The following RIPOR2 variants were observed in gnomAD, a reference collection of about 807,000 sequenced individuals.
The protein encoded by RIPOR2 is rho family-interacting cell polarization regulator 2.
In RIPOR2, 39 loss-of-function variants were observed where a neutral mutation model predicts 114.5. The observed-to-expected ratio is 0.34, with a 90% CI of 0.26 to 0.44. RIPOR2 has a LOEUF of 0.44. Among genes scored for constraint, RIPOR2 ranks in the 20% least tolerant of loss-of-function variants. The pLI, the probability that RIPOR2 is intolerant of heterozygous loss-of-function variation, is 1.00. For missense variants in RIPOR2, 1,007 were observed against 1,255.1 expected, an observed-to-expected ratio of 0.80 and a Z score of 2.99; for synonymous variants, 445 against 484.4, an observed-to-expected ratio of 0.92 and a Z score of 1.07.
At position 24,935,928 on chromosome 6, in the gene RIPOR2, G is replaced by GGCA. The variant is rs1425165626; in HGVS notation, c.-33_-31dup. ...GAGAGGACAGGCGCGAGAAGCAGCA[G>GGCA]GCAGCAGCCCCGGCAGTCTCAGCAG... On this transcript the variant is annotated 5_prime_UTR_variant, in exon 1 of 22. Transcript: ENST00000643898. 17 of 1,512,678 alleles carry GGCA rather than the reference G, an allele frequency of 1.1e-5. No homozygotes were observed. In the South Asian group the frequency reaches 2.0e-4, roughly 18 times the overall value. 93.7% of individuals were successfully genotyped at this position (1,512,678 alleles called of 1,614,324 possible).
chr6:25,004,849 G>A (rs960769241), intron 1 of RIPOR2, among the ~76,000 whole-genome samples: 2 of 151,958 alleles, frequency 1.3e-5, no homozygotes, highest in Non-Finnish European at 2.9e-5. Flanking sequence ...TTTGAAGGGA[G>A]ACAAACATTT....
intron 1 of RIPOR2, among the ~76,000 whole-genome samples, chr6:24,954,968 G>T (rs1231885100): frequency 2.0e-5 from 3 of 152,152 alleles, no homozygotes; most frequent in Admixed American, 1.3e-4. Flanking sequence ...AATAGTAAAA[G>T]AATTAAGAGT....
intron 8 of RIPOR2, among the ~76,000 whole-genome samples, chr6:24,857,775 A>C (rs113227155): frequency 0.013 from 1,958 of 152,316 alleles, 39 homozygotes; most frequent in African/African-American, 0.045. Flanking sequence ...CTGGAACTTA[A>C]TTTGAACAAA....
At chr6:24,845,795 A>G (rs1249012007) in intron 12 of RIPOR2, among the ~76,000 whole-genome samples, 1 of 152,134 alleles carries the variant, frequency 6.6e-6, no homozygotes, top group East Asian at 1.9e-4. Context: ...GAAAGAGCCA[A>G]TCCTGGAGCT....
At chr6:24,859,486 G>C (rs747053254) in intron 8 of RIPOR2, among the ~76,000 whole-genome samples, 1 of 152,116 alleles carries the variant, frequency 6.6e-6, no homozygotes, top group African/African-American at 2.4e-5. Context: ...ATGGACCTGC[G>C]TGATTTTGGA....
At chr6:24,822,502 A>G (rs1404082273) in intron 19 of RIPOR2, among the ~76,000 whole-genome samples, 1 of 151,856 alleles carries the variant, frequency 6.6e-6, no homozygotes, top group African/African-American at 2.4e-5. Context: ...CACTTTACGT[A>G]TTTATTTATT....
At chr6:24,964,299 A>G (rs1252773526) in intron 1 of RIPOR2, among the ~76,000 whole-genome samples, 1 of 151,776 alleles carries the variant, frequency 6.6e-6, no homozygotes, top group Non-Finnish European at 1.5e-5. Context: ...CACACATACT[A>G]CCCTCCCATC....
intron 1 of RIPOR2, among the ~76,000 whole-genome samples, chr6:24,971,101 G>A (rs1242602670): frequency 2.0e-5 from 3 of 152,206 alleles, no homozygotes; most frequent in African/African-American, 7.2e-5. Flanking sequence ...GACTACTAAA[G>A]GGATGCTTCA....
intron 1 of RIPOR2, among the ~76,000 whole-genome samples, chr6:24,920,768 C>T (rs1462127900): frequency 6.6e-6 from 1 of 152,130 alleles, no homozygotes; most frequent in Non-Finnish European, 1.5e-5. Context: ...CACAGCAATA[C>T]CCTTCCTCAC....
chr6:24,806,745 T>A (rs1479740437), intron 21 of RIPOR2, among the ~76,000 whole-genome samples: 1 of 152,226 alleles, frequency 6.6e-6, no homozygotes, highest in Non-Finnish European at 1.5e-5. Context: ...CATTTGATGT[T>A]GATGATTTCA....
chr6:24,929,320 A>C (rs577246927), intron 1 of RIPOR2: 1 of 152,208 alleles, frequency 6.6e-6, no homozygotes, highest in African/African-American at 2.4e-5. Flanking sequence ...CCAACAGTTC[A>C]GGCTCTTGAC....
chr6:24,808,320 G>A (rs12194443), intron 21 of RIPOR2, among the ~76,000 whole-genome samples: 4,756 of 152,298 alleles, frequency 0.031, 98 homozygotes, highest in Non-Finnish European at 0.049. Flanking sequence ...TGCTTTATAA[G>A]CGCCTGGCTT....
At chr6:24,970,029 G>A (rs1773707547) in intron 1 of RIPOR2, among the ~76,000 whole-genome samples, 1 of 152,002 alleles carries the variant, frequency 6.6e-6, no homozygotes, top group Admixed American at 6.6e-5. Flanking sequence ...AAGGGGGAGT[G>A]GAATTAAAAT....
chr6:24,868,899 G>A (rs890700602), intron 6 of RIPOR2, among the ~76,000 whole-genome samples, 195 bp downstream of exon 6: 4 of 152,362 alleles, frequency 2.6e-5, no homozygotes, highest in South Asian at 2.1e-4. Context: ...AGTCAAAACT[G>A]TGCTGGGCCA....
intron 1 of RIPOR2, among the ~76,000 whole-genome samples, chr6:24,889,356 A>T (rs974617908): frequency 2.0e-5 from 3 of 152,256 alleles, no homozygotes; most frequent in Non-Finnish European, 4.4e-5. Flanking sequence ...CCGCGACCTG[A>T]AGTATTTTAT....
chr6:24,874,166 G>T (rs567436117), intron 2 of RIPOR2, among the ~76,000 whole-genome samples: 45 of 151,140 alleles, frequency 3.0e-4, no homozygotes, highest in African/African-American at 1.0e-3. Flanking sequence ...GAGGTACTGG[G>T]ACCACAGGCA....
intron 1 of RIPOR2, among the ~76,000 whole-genome samples, chr6:25,006,143 A>G (rs1238021613): frequency 6.6e-6 from 1 of 152,196 alleles, no homozygotes; most frequent in Non-Finnish European, 1.5e-5. Flanking sequence ...TCAGAAATAA[A>G]TACTGTTAAC....
At chr6:25,030,681 C>A (rs889268594) in intron 1 of RIPOR2, among the ~76,000 whole-genome samples, 2 of 151,964 alleles carry the variant, frequency 1.3e-5, no homozygotes, top group South Asian at 2.1e-4. Flanking sequence ...TAGGGTCTTG[C>A]TGTTTTTCGT....
intron 1 of RIPOR2, among the ~76,000 whole-genome samples, chr6:24,923,047 C>G (rs952422501): frequency 1.3e-5 from 2 of 152,036 alleles, no homozygotes; most frequent in South Asian, 4.2e-4. Context: ...CTCTCCTCCC[C>G]CCAGCCTCTG....
Sources: gnomAD v4.1 joint callset for allele counts (sites outside exome capture counted in the v4.1 genomes callset) on GRCh38, gnomAD v4.1.1 for gene constraint, MANE v1.5 for transcripts, NCBI Gene and HGNC (gene_info 2026-07-23, HGNC 2026-07-21) for gene names.